YPEL2: variants seen among roughly 807,000 people sequenced by gnomAD.
YPEL2 encodes protein yippee-like 2.
In YPEL2, 2 loss-of-function variants were observed where a neutral mutation model predicts 19.1. That is an observed-to-expected ratio of 0.10 (90% CI 0.04 to 0.33). The LOEUF is 0.33. Among genes scored for constraint, YPEL2 ranks in the 10% least tolerant of loss-of-function variants. The pLI is 1.00. For missense variants in YPEL2, 66 were observed against 140.7 expected (o/e 0.47, Z 2.68); for synonymous variants, 52 against 50.0 (o/e 1.04, Z -0.17).
chr17:59,376,257 T>C (rs757544793), intron 2 of YPEL2, among the ~76,000 whole-genome samples: 6 of 152,198 alleles, frequency 3.9e-5, no homozygotes, highest in Non-Finnish European at 8.8e-5. Context: ...TCTCTCTCTG[T>C]CGCCCAGGCT....
chr17:59,387,577 G>T (rs932380373), intron 2 of YPEL2, among the ~76,000 whole-genome samples: 1 of 152,152 alleles, frequency 6.6e-6, no homozygotes, highest in African/African-American at 2.4e-5. Context: ...GACAGGGCCC[G>T]TGTTAATGGA....
intron 2 of YPEL2, among the ~76,000 whole-genome samples, chr17:59,374,010 C>T (rs556629426): frequency 1.7e-4 from 26 of 152,284 alleles, no homozygotes; most frequent in Non-Finnish European, 2.9e-4. Flanking sequence ...ATTTAATATG[C>T]GAGGCATCTA....
intron 1 of YPEL2, among the ~76,000 whole-genome samples, chr17:59,335,039 A>G (rs1330245537): frequency 1.3e-5 from 2 of 152,212 alleles, no homozygotes; most frequent in African/African-American, 4.8e-5. Context: ...TGCTCTGACA[A>G]CTGCATTCCC....
intron 2 of YPEL2, among the ~76,000 whole-genome samples, chr17:59,380,611 T>G (rs2047944518): frequency 6.6e-6 from 1 of 152,190 alleles, no homozygotes; most frequent in Non-Finnish European, 1.5e-5. Context: ...GTGAGAGCTA[T>G]TTTATTATGC....
At chr17:59,351,107 G>GTTC (rs1190356386) in intron 1 of YPEL2, among the ~76,000 whole-genome samples, 1 of 152,160 alleles carries the variant, frequency 6.6e-6, no homozygotes, top group African/African-American at 2.4e-5. Context: ...AGGTGCGGTG[G>GTTC]TTCACACCTG....
At chr17:59,374,185 A>C (rs911843962) in intron 2 of YPEL2, among the ~76,000 whole-genome samples, 4 of 152,178 alleles carry the variant, frequency 2.6e-5, no homozygotes, top group Non-Finnish European at 5.9e-5. Context: ...GCAGGGTTGG[A>C]GTGGGTAGTC....
At chr17:59,379,611 A>C (rs2047938595) in intron 2 of YPEL2, among the ~76,000 whole-genome samples, 1 of 152,208 alleles carries the variant, frequency 6.6e-6, no homozygotes, top group South Asian at 2.1e-4. Flanking sequence ...CACGGGAGAC[A>C]GGCTGGCTGC....
At chr17:59,380,625 T>C (rs1262713690) in intron 2 of YPEL2, among the ~76,000 whole-genome samples, 1 of 152,186 alleles carries the variant, frequency 6.6e-6, no homozygotes, top group African/African-American at 2.4e-5. Flanking sequence ...ATTATGCCTG[T>C]TTTACAGACT....
intron 2 of YPEL2, among the ~76,000 whole-genome samples, chr17:59,367,965 T>C (rs1231164556): frequency 2.0e-5 from 3 of 152,350 alleles, no homozygotes; most frequent in African/African-American, 7.2e-5. Context: ...GGCTTTGTGC[T>C]AAATTTTCAG....
At chr17:59,364,648 C>T (rs1386279098) in intron 2 of YPEL2, among the ~76,000 whole-genome samples, 2 of 142,170 alleles carry the variant, frequency 1.4e-5, no homozygotes, top group African/African-American at 2.6e-5. Context: ...GACAGAGTCT[C>T]GCTCTATCAC....
intron 2 of YPEL2, among the ~76,000 whole-genome samples, chr17:59,376,706 T>G (rs1355634177): frequency 6.6e-6 from 1 of 152,164 alleles, no homozygotes; most frequent in Non-Finnish European, 1.5e-5. Flanking sequence ...GTGTGAGCCA[T>G]GACTGTTATT....
chr17:59,385,181 A>G (rs531798512), intron 2 of YPEL2, among the ~76,000 whole-genome samples: 5 of 152,376 alleles, frequency 3.3e-5, no homozygotes, highest in African/African-American at 1.2e-4. Context: ...AATTGTTGAT[A>G]TGTTCAACAT....
rs1275809083 is a variant in YPEL2, at chr17:59,398,415, GC to G, written c.*1229del. 1.3e-5 allele frequency: 2 copies of G among 152,144 alleles called. No individual in the cohort carries two copies. The allele number at this position is 152,144 out of a possible 1,614,324, so 9.4% of individuals were successfully genotyped here. A position where few individuals can be genotyped will look rare whatever the true frequency, so the allele number is the denominator to read the frequency against. ...ATAACCTGGCTGGTAGATTCCTCAT[GC>G]CCCTAATTGTCCCACTTAGGCCTGA... On this transcript the variant is annotated 3_prime_UTR_variant, in exon 5 of 5. Coordinates refer to ENST00000312655, the MANE Select transcript of YPEL2 (RefSeq NM_001005404.4).
At chr17:59,366,236 G>C (rs1416996470) in intron 2 of YPEL2, 2 of 154,162 alleles carry the variant, frequency 1.3e-5, no homozygotes, top group African/African-American at 4.8e-5. Context: ...CATTGTGTGA[G>C]CTCCTCTTAC....
At chr17:59,368,656 A>G (rs1322974599) in intron 2 of YPEL2, among the ~76,000 whole-genome samples, 1 of 152,208 alleles carries the variant, frequency 6.6e-6, no homozygotes, top group Non-Finnish European at 1.5e-5. Context: ...ACAGATGGGG[A>G]GTCTGTGCTT....
intron 2 of YPEL2, among the ~76,000 whole-genome samples, chr17:59,361,111 T>C (rs569858386): frequency 3.2e-4 from 49 of 152,206 alleles, no homozygotes; most frequent in Non-Finnish European, 6.0e-4. Flanking sequence ...GGATTACAGA[T>C]GTGAGCCACC....
At chr17:59,396,441 G>A (rs544493023) in intron 4 of YPEL2, among the ~76,000 whole-genome samples, 24 of 152,210 alleles carry the variant, frequency 1.6e-4, no homozygotes, top group Non-Finnish European at 2.5e-4. Context: ...CTAAAGCAGG[G>A]GTTGGGGCAG....
chr17:59,392,278 T>C (rs2048011240), intron 4 of YPEL2, among the ~76,000 whole-genome samples: 1 of 152,178 alleles, frequency 6.6e-6, no homozygotes, highest in African/African-American at 2.4e-5. Context: ...AAACAATTCA[T>C]TCTTTTGACA....
intron 2 of YPEL2, chr17:59,356,011 A>G (rs888603649): frequency 2.0e-5 from 3 of 152,180 alleles, no homozygotes; most frequent in Admixed American, 6.5e-5. Flanking sequence ...TAAATAATCT[A>G]TAGATTCTTA....
Sources: gnomAD v4.1 joint callset for allele counts (sites outside exome capture counted in the v4.1 genomes callset) on GRCh38, gnomAD v4.1.1 for gene constraint, MANE v1.5 for transcripts, NCBI Gene and HGNC (gene_info 2026-07-23, HGNC 2026-07-21) for gene names.